Variants in CAPS2 observed in about 807,000 individuals in gnomAD.
CAPS2 encodes calcyphosin-2.
CAPS2 carries 98 observed loss-of-function variants against 86.5 expected under a neutral mutation model. The ratio of observed to expected loss-of-function variants is 1.13; its 90% CI spans 0.96 to 1.34. The LOEUF is 1.34. CAPS2 is among the 40% of genes most tolerant of loss of function. CAPS2 has a pLI of 0.00. For missense variants in CAPS2, 729 were observed against 686.8 expected, an observed-to-expected ratio of 1.06 and a Z score of -0.69; for synonymous variants, 210 against 225.1, an observed-to-expected ratio of 0.93 and a Z score of 0.60.
chr12:75,298,654 T>C (rs1280883064), intron 11 of CAPS2, 33 bp downstream of exon 11: 5 of 1,529,452 alleles, frequency 3.3e-6, no homozygotes, highest in Middle Eastern at 1.7e-4. Flanking sequence ...CACCATCTGG[T>C]ATTAAATGTG....
At chr12:75,295,975 G>A (rs1284014433) in intron 11 of CAPS2, among the ~76,000 whole-genome samples, 2 of 152,102 alleles carry the variant, frequency 1.3e-5, no homozygotes, top group Non-Finnish European at 2.9e-5. Flanking sequence ...ATATAAAAAG[G>A]AAGAGCCAAA....
At chr12:75,348,253 A>G (rs757890434) in intron 1 of CAPS2, among the ~76,000 whole-genome samples, 18 of 152,202 alleles carry the variant, frequency 1.2e-4, no homozygotes, top group Non-Finnish European at 2.1e-4. Flanking sequence ...GACTATAAAA[A>G]CAGTTAATAA....
chr12:75,310,368 A>G (rs757939129), intron 7 of CAPS2, among the ~76,000 whole-genome samples: 3 of 152,208 alleles, frequency 2.0e-5, no homozygotes, highest in Admixed American at 2.0e-4. Flanking sequence ...CTAAGTAAAG[A>G]TATGAGCTAA....
At chr12:75,285,025 T>C in exon 15 of CAPS2, 1 of 1,611,268 alleles carries the variant, frequency 6.2e-7, no homozygotes, top group Non-Finnish European at 8.5e-7. Flanking sequence ...GAATTCTCCA[T>C]AATCAACCTT....
At chr12:75,324,647 T>C (rs1318227400) in intron 2 of CAPS2, among the ~76,000 whole-genome samples, 1 of 152,100 alleles carries the variant, frequency 6.6e-6, no homozygotes, top group South Asian at 2.1e-4. Flanking sequence ...TCTTCAGAAA[T>C]GTCAATATTG....
chr12:75,387,477 C>T (rs989367539), intron 1 of CAPS2, among the ~76,000 whole-genome samples: 1 of 152,134 alleles, frequency 6.6e-6, no homozygotes. Flanking sequence ...ATGGCACAGC[C>T]ACTTTGGAAC....
At chr12:75,346,673 T>A (rs1255003725) in intron 1 of CAPS2, among the ~76,000 whole-genome samples, 1 of 152,160 alleles carries the variant, frequency 6.6e-6, no homozygotes, top group Admixed American at 6.5e-5. Context: ...AGTTCTCAGT[T>A]CACTTTGATT....
Position 75,298,981 on chromosome 12 carries a change from T to G in CAPS2, c.855-15A>C, listed in dbSNP as rs528673670. 1.1e-4 allele frequency: 171 copies of G among 1,506,938 alleles called. No individual in the cohort carries two copies. In the South Asian group the frequency reaches 1.9e-3, roughly 17 times the overall value. 93.3% of individuals were successfully genotyped at this position (1,506,938 alleles called of 1,614,324 possible). A position where few individuals can be genotyped will look rare whatever the true frequency, so the allele number is the denominator to read the frequency against. Reference sequence around the variant, plus strand: ...CACGTCCATTACTGGAAAAATAGAATGAAATCAAACATCTTCAAATAGAAT... The same window carrying G: ...CACGTCCATTACTGGAAAAATAGAAGGAAATCAAACATCTTCAAATAGAAT... On this transcript the variant is annotated splice_polypyrimidine_tract_variant and intron_variant, in intron 9 of 16. Transcript: ENST00000393284.
intron 11 of CAPS2, 71 bp downstream of exon 11, chr12:75,298,616 C>T (rs752578744): frequency 1.5e-5 from 17 of 1,166,584 alleles, no homozygotes; most frequent in Admixed American, 5.4e-5. Flanking sequence ...AGCCCTACTC[C>T]TCCACCTCCA....
chr12:75,344,215 T>G (rs1223808773), intron 1 of CAPS2, among the ~76,000 whole-genome samples: 1 of 152,158 alleles, frequency 6.6e-6, no homozygotes, highest in East Asian at 1.9e-4. Context: ...TTTCTCTCAC[T>G]CTCTCTCTTC....
chr12:75,362,820 AC>A (rs1329451313), intron 1 of CAPS2, among the ~76,000 whole-genome samples: 1 of 152,204 alleles, frequency 6.6e-6, no homozygotes, highest in Non-Finnish European at 1.5e-5. Flanking sequence ...ACTATCTATG[AC>A]AAAAACTTTG....
exon 17 of CAPS2, chr12:75,278,164 C>A: frequency 4.2e-6 from 4 of 961,270 alleles, no homozygotes; most frequent in Non-Finnish European, 3.7e-6. Flanking sequence ...AAAAGGATTA[C>A]AGTTAAAAAG....
chr12:75,288,046 T>C (rs1355651524), intron 14 of CAPS2, among the ~76,000 whole-genome samples: 3 of 152,220 alleles, frequency 2.0e-5, no homozygotes, highest in Non-Finnish European at 4.4e-5. Flanking sequence ...GTTGCAGAAG[T>C]ATTCTGTGTT....
chr12:75,333,930 T>G (rs1303014902), upstream of CAPS2: 1 of 152,230 alleles, frequency 6.6e-6, no homozygotes, highest in Admixed American at 6.5e-5. Context: ...CAAATGACGT[T>G]GATTTATATT....
intron 1 of CAPS2, among the ~76,000 whole-genome samples, chr12:75,326,130 G>A (rs1316800746): frequency 3.9e-5 from 6 of 151,944 alleles, no homozygotes; most frequent in Admixed American, 6.6e-5. Flanking sequence ...AGTAGCAACC[G>A]TAAAAATTCC....
At chr12:75,374,337 G>A (rs948066811) in intron 1 of CAPS2, among the ~76,000 whole-genome samples, 2 of 152,176 alleles carry the variant, frequency 1.3e-5, no homozygotes, top group African/African-American at 2.4e-5. Flanking sequence ...TGAGGAATGC[G>A]TTGTCTCCAA....
chr12:75,354,643 T>C (rs2043033766), intron 1 of CAPS2, among the ~76,000 whole-genome samples: 1 of 152,164 alleles, frequency 6.6e-6, no homozygotes, highest in South Asian at 2.1e-4. Flanking sequence ...AAAATTCATA[T>C]GGAACCAAAA....
intron 1 of CAPS2, among the ~76,000 whole-genome samples, chr12:75,386,366 A>G (rs890697140): frequency 6.6e-6 from 1 of 152,186 alleles, no homozygotes; most frequent in African/African-American, 2.4e-5. Context: ...TGGAGGCTAG[A>G]AAGTCCAAGG....
intron 1 of CAPS2, among the ~76,000 whole-genome samples, chr12:75,385,318 T>C (rs1290106714): frequency 6.6e-6 from 1 of 152,070 alleles, no homozygotes; most frequent in African/African-American, 2.4e-5. Flanking sequence ...ACTAATGTAA[T>C]AAATCACATC....
Sources: allele counts gnomAD v4.1 joint callset (sites outside exome capture counted in the v4.1 genomes callset), GRCh38; gene constraint gnomAD v4.1.1; transcripts MANE v1.5; gene names NCBI Gene and HGNC (gene_info 2026-07-23, HGNC 2026-07-21).